Variants in CAP2 observed in about 807,000 individuals in gnomAD.
CAP2 encodes cyclase associated actin cytoskeleton regulatory protein 2.
CAP2 carries 24 observed loss-of-function variants against 57.7 expected under a neutral mutation model. The observed-to-expected ratio is 0.42, with a 90% CI of 0.30 to 0.58. The LOEUF is 0.58. Among genes scored for constraint, CAP2 ranks in the 20% least tolerant of loss-of-function variants. CAP2 has a pLI of 0.22. For synonymous variants in CAP2, 194 were observed against 207.2 expected (o/e 0.94, Z 0.55); for missense variants, 501 against 590.3 (o/e 0.85, Z 1.57).
chr6:17,527,820 C>G (rs1481768874), intron 7 of CAP2, among the ~76,000 whole-genome samples: 4 of 152,126 alleles, frequency 2.6e-5, no homozygotes, highest in Non-Finnish European at 4.4e-5. Flanking sequence ...CCAGGCTGGT[C>G]TCGAACTCCT....
At chr6:17,440,557 A>G (rs1016534360) in intron 3 of CAP2, among the ~76,000 whole-genome samples, 2 of 151,114 alleles carry the variant, frequency 1.3e-5, no homozygotes, top group Non-Finnish European at 1.5e-5. Flanking sequence ...ATCTTTTAGC[A>G]GGAATGTCAG....
chr6:17,412,281 C>A (rs935273859), intron 1 of CAP2, among the ~76,000 whole-genome samples: 3 of 152,142 alleles, frequency 2.0e-5, no homozygotes, highest in African/African-American at 7.2e-5. Flanking sequence ...GCCTTGAGGA[C>A]GCAGTCTGTG....
intron 3 of CAP2, among the ~76,000 whole-genome samples, chr6:17,431,436 CA>C (rs1176583763): frequency 6.6e-6 from 1 of 152,134 alleles, no homozygotes; most frequent in East Asian, 1.9e-4. Flanking sequence ...ATGATTAAAT[CA>C]CATGCTGTAT....
At chr6:17,435,123 C>T (rs1395500976) in intron 3 of CAP2, among the ~76,000 whole-genome samples, 5 of 111,872 alleles carry the variant, frequency 4.5e-5, no homozygotes, top group South Asian at 3.6e-4. Context: ...GTCAGTGTGG[C>T]GATTCCTCAG....
intron 4 of CAP2, among the ~76,000 whole-genome samples, chr6:17,483,965 T>G (rs1172616800): frequency 6.6e-6 from 1 of 151,860 alleles, no homozygotes; most frequent in Non-Finnish European, 1.5e-5. Flanking sequence ...TGGTCACTTC[T>G]GCTTGGAGTT....
At chr6:17,538,160 G>A (rs576375373) in intron 7 of CAP2, among the ~76,000 whole-genome samples, 41 of 151,718 alleles carry the variant, frequency 2.7e-4, no homozygotes, top group African/African-American at 9.7e-4. Context: ...AAATATCACA[G>A]ATATACAATA....
At chr6:17,465,372 A>G (rs879270601) in intron 4 of CAP2, among the ~76,000 whole-genome samples, 1 of 152,040 alleles carries the variant, frequency 6.6e-6, no homozygotes, top group Non-Finnish European at 1.5e-5. Context: ...ATTCTTGATA[A>G]AGGGGAGGGA....
intron 1 of CAP2, among the ~76,000 whole-genome samples, chr6:17,395,983 A>C (rs1391324284): frequency 6.6e-6 from 1 of 152,212 alleles, no homozygotes; most frequent in Non-Finnish European, 1.5e-5. Flanking sequence ...CCAATTTAAA[A>C]ATGGGCAAAG....
rs545324244 is a variant in CAP2, at chr6:17,393,614, G to T, written c.-134G>T. 43 of 152,404 alleles carry T rather than the reference G, an allele frequency of 2.8e-4. 1 individual carries two copies. The highest frequency in any genetic ancestry group is 2.6e-3 in the Admixed American group (40 of 15,306). 9.4% of individuals were successfully genotyped at this position (152,404 alleles called of 1,614,324 possible). A position where few individuals can be genotyped will look rare whatever the true frequency, so the allele number is the denominator to read the frequency against. On this transcript the variant is annotated 5_prime_UTR_variant, in exon 1 of 13. Coordinates refer to ENST00000229922, the MANE Select transcript of CAP2 (RefSeq NM_006366.3). ...GCCGGCGACTCTCCCCTGGAGCAGC[G>T]TGACTGACACCGGCTCCTATTCAGC...
intron 4 of CAP2, among the ~76,000 whole-genome samples, chr6:17,467,880 T>C (rs1487901362): frequency 1.3e-5 from 2 of 152,216 alleles, no homozygotes; most frequent in Non-Finnish European, 2.9e-5. Flanking sequence ...CCTGTTATGC[T>C]ATCAAATAGT....
At chr6:17,543,845 C>G (rs1386579661) in intron 11 of CAP2, among the ~76,000 whole-genome samples, 1 of 152,088 alleles carries the variant, frequency 6.6e-6, no homozygotes, top group Admixed American at 6.6e-5. Context: ...AGCTAACTGG[C>G]CAGGCATGGT....
chr6:17,539,859 T>C (rs1217402418), intron 8 of CAP2, among the ~76,000 whole-genome samples: 2 of 152,080 alleles, frequency 1.3e-5, no homozygotes, highest in Non-Finnish European at 2.9e-5. Flanking sequence ...GCAGGCCTAT[T>C]GCTTGAGCCC....
chr6:17,430,371 A>G (rs1399458485), intron 3 of CAP2, among the ~76,000 whole-genome samples: 1 of 152,254 alleles, frequency 6.6e-6, no homozygotes, highest in Non-Finnish European at 1.5e-5. Context: ...CTTTTAAAAA[A>G]GAATAGATAA....
chr6:17,493,583 G>A (rs1289680117), intron 4 of CAP2: 5 of 191,768 alleles, frequency 2.6e-5, no homozygotes, highest in Admixed American at 5.3e-5. Flanking sequence ...GGCCAGAAGC[G>A]CCATTCTTGT....
intron 4 of CAP2, among the ~76,000 whole-genome samples, chr6:17,490,932 T>C (rs1402594278): frequency 6.6e-6 from 1 of 152,240 alleles, no homozygotes; most frequent in African/African-American, 2.4e-5. Flanking sequence ...GCCCTCCTGC[T>C]GACATGTCTG....
intron 1 of CAP2, among the ~76,000 whole-genome samples, chr6:17,397,713 A>G (rs1172160977): frequency 6.6e-6 from 1 of 150,438 alleles, no homozygotes; most frequent in East Asian, 1.9e-4. Flanking sequence ...AAAAAAAAAA[A>G]AAAAGAATTA....
At chr6:17,464,326 C>T (rs569596565) in intron 4 of CAP2, among the ~76,000 whole-genome samples, 1 of 152,224 alleles carries the variant, frequency 6.6e-6, no homozygotes, top group South Asian at 2.1e-4. Context: ...GACACAATAG[C>T]TTAAATGTAA....
chr6:17,407,042 A>G (rs1218263631), intron 1 of CAP2, among the ~76,000 whole-genome samples: 1 of 152,228 alleles, frequency 6.6e-6, no homozygotes, highest in Non-Finnish European at 1.5e-5. Context: ...GGAATCAGAT[A>G]GTTGCCTTTT....
intron 1 of CAP2, among the ~76,000 whole-genome samples, chr6:17,399,066 CTTTG>C (rs755700334): frequency 1.3e-5 from 2 of 151,834 alleles, no homozygotes; most frequent in Non-Finnish European, 1.5e-5. Flanking sequence ...GCTACATGAG[CTTTG>C]TTTGTTTGTT....
Sources: allele counts gnomAD v4.1 joint callset (sites outside exome capture counted in the v4.1 genomes callset), GRCh38; gene constraint gnomAD v4.1.1; transcripts MANE v1.5; gene names NCBI Gene and HGNC (gene_info 2026-07-23, HGNC 2026-07-21).